The following ZBTB20 variants were observed in gnomAD, a reference collection of about 807,000 sequenced individuals.
ZBTB20 encodes zinc finger and BTB domain-containing protein 20.
A neutral mutation model predicts 56.9 loss-of-function variants in ZBTB20; 9 were observed. That is an observed-to-expected ratio of 0.16 (90% CI 0.10 to 0.28). The LOEUF (loss-of-function observed/expected upper bound fraction) is 0.28. ZBTB20 is among the 10% of genes least tolerant of loss of function. ZBTB20 has a pLI of 1.00. For synonymous variants in ZBTB20, 417 were observed against 420.7 expected (o/e 0.99, Z 0.11); for missense variants, 655 against 1,003.0 (o/e 0.65, Z 4.69).
chr3:114,348,871 T>G (rs549449637), intron 11 of ZBTB20, among the ~76,000 whole-genome samples: 2 of 152,178 alleles, frequency 1.3e-5, no homozygotes, highest in Non-Finnish European at 2.9e-5. Flanking sequence ...TTCGAGTATG[T>G]AACTTTTCCC....
At chr3:114,430,296 A>T (rs1459235265) in intron 7 of ZBTB20, among the ~76,000 whole-genome samples, 3 of 152,206 alleles carry the variant, frequency 2.0e-5, no homozygotes, top group African/African-American at 7.2e-5. Context: ...CAGAGCAGAG[A>T]TTGTTTCCAT....
intron 6 of ZBTB20, among the ~76,000 whole-genome samples, chr3:114,634,553 A>G (rs1039498185): frequency 6.6e-6 from 1 of 152,184 alleles, no homozygotes; most frequent in African/African-American, 2.4e-5. Flanking sequence ...TCTACCTCTC[A>G]TTCTTCCACA....
intron 2 of ZBTB20, among the ~76,000 whole-genome samples, chr3:115,041,562 G>C (rs1368720342): frequency 6.6e-6 from 1 of 152,084 alleles, no homozygotes; most frequent in East Asian, 1.9e-4. Flanking sequence ...TATTCATTAA[G>C]CCCATGGTTT....
chr3:114,548,600 C>G (rs992867640), intron 6 of ZBTB20, among the ~76,000 whole-genome samples: 1 of 151,754 alleles, frequency 6.6e-6, no homozygotes, highest in East Asian at 1.9e-4. Context: ...CTCACTGCAA[C>G]CTCTGCCTCT....
Position 115,125,033 on chromosome 3 carries a change from T to TA in ZBTB20, c.-703+22185dup, listed in dbSNP as rs138163394. On this transcript the variant is annotated intron_variant, in intron 1 of 11. Coordinates refer to ENST00000675478, the MANE Select transcript of ZBTB20 (RefSeq NM_001348800.3). ...GTACCCCTGAACTTAAAGTTTTTTT[T>TA]AAAAAAAAAAGGAAAATGTGATATA... is the stretch of plus-strand genomic sequence containing the variant. Among the ~76,000 whole-genome samples, 664 of 148,094 alleles carry TA rather than the reference T, an allele frequency of 4.5e-3. 1 individual carries two copies. The highest frequency in any genetic ancestry group is 6.3e-3 in the Non-Finnish European group (418 of 66,664).
At chr3:115,124,949 C>T (rs186707571) in intron 1 of ZBTB20, among the ~76,000 whole-genome samples, 2 of 151,680 alleles carry the variant, frequency 1.3e-5, no homozygotes, top group East Asian at 3.9e-4. Context: ...TAGGTAAACA[C>T]GAGTTTACCT....
intron 3 of ZBTB20, among the ~76,000 whole-genome samples, chr3:114,907,108 AT>A (rs2075348562): frequency 6.6e-6 from 1 of 151,836 alleles, no homozygotes; most frequent in Admixed American, 6.6e-5. Context: ...GAACCTTATT[AT>A]TTACTATAAT....
At chr3:114,490,516 C>T (rs895639054) in intron 7 of ZBTB20, among the ~76,000 whole-genome samples, 4 of 152,110 alleles carry the variant, frequency 2.6e-5, no homozygotes, top group Non-Finnish European at 5.9e-5. Context: ...ATCCCGTGCC[C>T]GGCCCGCTTC....
At chr3:114,546,433 A>G (rs1181852421) in intron 6 of ZBTB20, among the ~76,000 whole-genome samples, 1 of 152,120 alleles carries the variant, frequency 6.6e-6, no homozygotes, top group East Asian at 1.9e-4. Context: ...AGACCTTCCA[A>G]TCAAACACCC....
intron 7 of ZBTB20, among the ~76,000 whole-genome samples, chr3:114,460,681 G>T (rs143165129): frequency 1.1e-3 from 163 of 152,242 alleles, no homozygotes; most frequent in African/African-American, 3.6e-3. Context: ...AACTGTAAGA[G>T]AATACATTTG....
chr3:114,769,020 C>T (rs184315305), intron 5 of ZBTB20, among the ~76,000 whole-genome samples: 5 of 152,218 alleles, frequency 3.3e-5, no homozygotes, highest in East Asian at 3.9e-4. Flanking sequence ...TATTCTTTCA[C>T]GATAAAATTT....
intron 6 of ZBTB20, among the ~76,000 whole-genome samples, chr3:114,570,719 A>G (rs1429045064): frequency 1.1e-4 from 17 of 152,154 alleles, no homozygotes. Flanking sequence ...CTCTTCCTTC[A>G]CATTCATTCA....
intron 6 of ZBTB20, among the ~76,000 whole-genome samples, chr3:114,521,843 C>A (rs995172689): frequency 2.6e-5 from 4 of 152,076 alleles, no homozygotes; most frequent in African/African-American, 9.7e-5. Flanking sequence ...GAAAATTTTG[C>A]CATGGAGAAT....
chr3:114,594,669 T>C (rs761892611), intron 6 of ZBTB20, among the ~76,000 whole-genome samples: 4 of 152,224 alleles, frequency 2.6e-5, no homozygotes, highest in Non-Finnish European at 4.4e-5. Flanking sequence ...CATAAAATTC[T>C]GAATCCACAG....
intron 5 of ZBTB20, among the ~76,000 whole-genome samples, chr3:114,696,656 A>C (rs1161308410): frequency 6.6e-6 from 1 of 152,100 alleles, no homozygotes; most frequent in African/African-American, 2.4e-5. Context: ...CAGTCAGTTA[A>C]GCAAAACCAA....
chr3:114,758,181 A>G (rs1464243071), intron 5 of ZBTB20, among the ~76,000 whole-genome samples: 1 of 152,136 alleles, frequency 6.6e-6, no homozygotes, highest in African/African-American at 2.4e-5. Flanking sequence ...ACCTAGCTGT[A>G]CTTGTAAGAG....
At chr3:114,446,052 T>C (rs762447633) in intron 7 of ZBTB20, among the ~76,000 whole-genome samples, 34 of 152,268 alleles carry the variant, frequency 2.2e-4, no homozygotes, top group Admixed American at 1.8e-3. Context: ...TTTATGGTCA[T>C]GGTATGTAGA....
At chr3:114,801,198 T>C (rs1382587627) in intron 4 of ZBTB20, 24 bp from the exon 5 acceptor site, 2 of 152,030 alleles carry the variant, frequency 1.3e-5, no homozygotes, top group African/African-American at 4.8e-5. Flanking sequence ...GGTTAAAATC[T>C]CTTTCAGTTA....
chr3:114,738,215 C>T (rs887882513), intron 5 of ZBTB20, among the ~76,000 whole-genome samples: 10 of 151,534 alleles, frequency 6.6e-5, no homozygotes, highest in Admixed American at 5.9e-4. Context: ...ATATATTTAT[C>T]ATTTAAAATA....
Sources: allele counts gnomAD v4.1 joint callset (sites outside exome capture counted in the v4.1 genomes callset), GRCh38; gene constraint gnomAD v4.1.1; transcripts MANE v1.5; gene names NCBI Gene and HGNC (gene_info 2026-07-23, HGNC 2026-07-21).